Variants in TECRL observed in about 807,000 individuals in gnomAD.
TECRL encodes the protein trans-2,3-enoyl-CoA reductase-like.
In TECRL, 63 loss-of-function variants were observed where a neutral mutation model predicts 52.8. The observed-to-expected ratio is 1.19, with a 90% CI of 0.97 to 1.47. The LOEUF (loss-of-function observed/expected upper bound fraction) is 1.47, where lower values mean the gene tolerates loss of function less well. TECRL is among the 40% of genes most tolerant of loss of function. The pLI, the probability that TECRL is intolerant of heterozygous loss-of-function variation, is 0.00. For missense variants in TECRL, 482 were observed against 429.6 expected, an observed-to-expected ratio of 1.12 and a Z score of -1.08; for synonymous variants, 164 against 141.9, an observed-to-expected ratio of 1.16 and a Z score of -1.10.
At chr4:64,353,703 G>T (rs754419939) in intron 2 of TECRL, among the ~76,000 whole-genome samples, 5 of 152,256 alleles carry the variant, frequency 3.3e-5, no homozygotes, top group Non-Finnish European at 7.4e-5. Flanking sequence ...ATGTACAGTG[G>T]AAAGTTCTGG....
chr4:64,324,899 C>T (rs1212628537), intron 3 of TECRL, among the ~76,000 whole-genome samples: 1 of 152,064 alleles, frequency 6.6e-6, no homozygotes, highest in Non-Finnish European at 1.5e-5. Context: ...TTTCTGCTAC[C>T]TGTATAATCC....
At chr4:64,309,785 A>G (rs753860175) in intron 6 of TECRL, 41 bp downstream of exon 6, 13 of 1,296,934 alleles carry the variant, frequency 1.0e-5, no homozygotes, top group Non-Finnish European at 1.4e-5. Flanking sequence ...TCCAACATAT[A>G]AAATGTCTCA....
chr4:64,277,049 C>A (rs527404746), downstream of TECRL: 284 of 1,494,464 alleles, frequency 1.9e-4, no homozygotes, highest in Admixed American at 2.6e-4. Flanking sequence ...GCAGTGAGAC[C>A]ACCTGGAAAT....
intron 2 of TECRL, among the ~76,000 whole-genome samples, chr4:64,342,655 GT>G (rs1324644027): frequency 6.6e-6 from 1 of 151,856 alleles, no homozygotes; most frequent in African/African-American, 2.4e-5. Flanking sequence ...GAATCTTAGT[GT>G]TCTCATCTGT....
rs575023696 is a variant in TECRL, at chr4:64,391,184, C to A, written c.235-15961G>T. ...TTTATCATTACATATGTCTGAAATT[C>A]TAAAAAAAGTTTGATGATTATATGA... On this transcript the variant is annotated intron_variant, in intron 1 of 11. Transcript: ENST00000381210. Among the ~76,000 whole-genome samples, 13 of 151,812 alleles carry A rather than the reference C, an allele frequency of 8.6e-5. No individual in the cohort carries two copies. In the East Asian group the frequency reaches 2.3e-3, roughly 27 times the overall value.
intron 8 of TECRL, among the ~76,000 whole-genome samples, chr4:64,298,018 C>T (rs975467723): frequency 2.6e-5 from 4 of 151,080 alleles, no homozygotes; most frequent in African/African-American, 9.7e-5. Flanking sequence ...TGGAATATAA[C>T]TACATTCAAT....
intron 2 of TECRL, among the ~76,000 whole-genome samples, chr4:64,331,171 C>T (rs1277656733): frequency 6.6e-6 from 1 of 152,010 alleles, no homozygotes; most frequent in Non-Finnish European, 1.5e-5. Context: ...AATTCACCTC[C>T]AGTACAGGTA....
At chr4:64,403,336 A>G (rs1278283301) in intron 1 of TECRL, among the ~76,000 whole-genome samples, 1 of 151,890 alleles carries the variant, frequency 6.6e-6, no homozygotes, top group African/African-American at 2.4e-5. Flanking sequence ...CTATACATGG[A>G]TATCACACAG....
intron 1 of TECRL, among the ~76,000 whole-genome samples, chr4:64,380,843 G>T (rs895501171): frequency 6.6e-5 from 10 of 151,818 alleles, no homozygotes; most frequent in South Asian, 2.1e-4. Context: ...CTCCAGCTTT[G>T]TTTCTTTTTG....
chr4:64,281,656 A>G (rs1055439110), intron 9 of TECRL, 97 bp from the exon 10 acceptor site: 4 of 617,390 alleles, frequency 6.5e-6, no homozygotes, highest in Admixed American at 6.6e-5. Flanking sequence ...ATAACTGTGT[A>G]CCACATGAAA....
chr4:64,402,649 A>C (rs1042699282), intron 1 of TECRL, among the ~76,000 whole-genome samples: 3 of 152,154 alleles, frequency 2.0e-5, no homozygotes, highest in Admixed American at 1.3e-4. Context: ...AAACTCAAGA[A>C]ATAAAAATTA....
At chr4:64,344,545 T>G (rs1719814328) in intron 2 of TECRL, among the ~76,000 whole-genome samples, 1 of 152,176 alleles carries the variant, frequency 6.6e-6, no homozygotes, top group Admixed American at 6.5e-5. Context: ...TGCTTACTAT[T>G]CAAATGCACA....
Position 64,406,218 on chromosome 4 carries a change from T to C in TECRL, c.234+2900A>G, listed in dbSNP as rs146348908. 7.9e-5 allele frequency among the ~76,000 whole-genome samples: 12 copies of C among 151,858 alleles called. No individual in the cohort carries two copies. The East Asian group carries it at 1.9e-3, about 24-fold the overall frequency. On this transcript the variant is annotated intron_variant, in intron 1 of 11. Coordinates refer to ENST00000381210, the MANE Select transcript of TECRL (RefSeq NM_001010874.5). ...TAAGTTAAAGAACATAATAAATATA[T>C]TTTCTTTCATCCTAGGACTTTTCTC...
At chr4:64,373,935 A>G (rs1056607710) in intron 2 of TECRL, among the ~76,000 whole-genome samples, 2 of 147,640 alleles carry the variant, frequency 1.4e-5, no homozygotes, top group Admixed American at 1.4e-4. Context: ...TATATACACT[A>G]TATATATACT....
At chr4:64,281,171 G>C in intron 10 of TECRL, 85 bp from the exon 11 acceptor site, 4 of 963,840 alleles carry the variant, frequency 4.2e-6, no homozygotes, top group African/African-American at 1.7e-5. Context: ...TAATTTTAAG[G>C]CTTAAAATAT....
intron 2 of TECRL, among the ~76,000 whole-genome samples, chr4:64,332,124 C>A (rs1306386633): frequency 6.6e-6 from 1 of 152,150 alleles, no homozygotes; most frequent in African/African-American, 2.4e-5. Flanking sequence ...TAGCCACATT[C>A]CCCTAAGGGT....
At chr4:64,403,475 G>GCGCGCGCACACACACACACA (rs59253067) in intron 1 of TECRL, among the ~76,000 whole-genome samples, 1 of 148,238 alleles carries the variant, frequency 6.7e-6, no homozygotes, top group African/African-American at 2.5e-5. Context: ...CTCCCTGAGC[G>GCGCGCGCACACACACACACA]CACACACACA....
intron 1 of TECRL, among the ~76,000 whole-genome samples, chr4:64,394,448 CT>C (rs1723783600): frequency 6.6e-6 from 1 of 152,232 alleles, no homozygotes; most frequent in African/African-American, 2.4e-5. Flanking sequence ...ATTCCACAGA[CT>C]TTAATGTAGA....
intron 1 of TECRL, among the ~76,000 whole-genome samples, chr4:64,387,032 T>C (rs1292237579): frequency 6.6e-6 from 1 of 152,150 alleles, no homozygotes; most frequent in Non-Finnish European, 1.5e-5. Context: ...TCTAACATTA[T>C]AGTATTATGC....
Sources: allele counts gnomAD v4.1 joint callset (sites outside exome capture counted in the v4.1 genomes callset), GRCh38; gene constraint gnomAD v4.1.1; transcripts MANE v1.5; gene names NCBI Gene and HGNC (gene_info 2026-07-23, HGNC 2026-07-21).